The following KIF6 variants were observed in gnomAD, a reference collection of about 807,000 sequenced individuals.
KIF6 encodes the protein kinesin-like protein KIF6.
In KIF6, 106 loss-of-function variants were observed where a neutral mutation model predicts 112.7. That is an observed-to-expected ratio of 0.94 (90% CI 0.80 to 1.11). The LOEUF is 1.11. Among genes scored for constraint, KIF6 ranks in the 50% least tolerant of loss-of-function variants. KIF6 has a pLI of 0.00. For synonymous variants in KIF6, 339 were observed against 339.9 expected (o/e 1.00, Z 0.03); for missense variants, 929 against 964.0 (o/e 0.96, Z 0.48).
chr6:39,669,853 G>A (rs1786695821), intron 3 of KIF6, among the ~76,000 whole-genome samples: 1 of 152,222 alleles, frequency 6.6e-6, no homozygotes. Flanking sequence ...TTGGACTCCA[G>A]CATACGCAGA....
intron 13 of KIF6, among the ~76,000 whole-genome samples, chr6:39,455,178 C>T (rs931024457): frequency 8.7e-4 from 133 of 152,280 alleles, no homozygotes; most frequent in African/African-American, 1.9e-3. Flanking sequence ...GATCTGAGAA[C>T]GGGCAGACTG....
rs1407473026 is a variant in KIF6, at chr6:39,346,084, CT to C, written c.2232-296del. 1.0e-3 allele frequency among the ~76,000 whole-genome samples: 18 copies of C among 18,000 alleles called. 1 individual carries two copies. Among genetic ancestry groups the C allele is most frequent in the East Asian group, 1.4e-3 (1 of 708 alleles). The allele number at this position is 18,000 out of a possible 152,430, so 11.8% of individuals were successfully genotyped here. A position where few individuals can be genotyped will look rare whatever the true frequency, so the allele number is the denominator to read the frequency against. On this transcript the variant is annotated intron_variant, in intron 20 of 22. Coordinates refer to ENST00000287152, the MANE Select transcript of KIF6 (RefSeq NM_145027.6). ...TCTCTCTCTCTCTCTCTCTCTCTCT[CT>C]CCCCCCCCTCTCCCTCCCCCCCTCC...
At chr6:39,359,104 C>T (rs1764933062) in intron 18 of KIF6, among the ~76,000 whole-genome samples, 1 of 152,196 alleles carries the variant, frequency 6.6e-6, no homozygotes, top group South Asian at 2.1e-4. Flanking sequence ...TGCTATCACA[C>T]TGGTTATTGC....
rs1291579879 is a variant in KIF6, at chr6:39,342,628, TTTA to T, written c.2428+1078_2428+1080del. The stretch of plus-strand genomic sequence containing the variant: ...TTTTTTTTATTTTTTTTTATTTTTT[TTTA>T]TTTTTAGACAAGGAAACTGAGAATG... On this transcript the variant is annotated intron_variant, in intron 22 of 22. Coordinates refer to ENST00000287152, the MANE Select transcript of KIF6 (RefSeq NM_145027.6). The surrounding 1 kb of genome is among the most constrained non-coding windows in gnomAD (Gnocchi z 4.7). 0.033 allele frequency among the ~76,000 whole-genome samples: 4,040 copies of T among 120,940 alleles called. 453 individuals are homozygous for T. Among genetic ancestry groups the T allele is most frequent in the African/African-American group, 0.06 (1,456 of 24,466 alleles). 79.3% of individuals were successfully genotyped at this position (120,940 alleles called of 152,430 possible).
In KIF6 at chr6:39,586,377, G is replaced by T; in HGVS notation, c.874C>A (p.Arg292Ser). Residue 292 changes from arginine (R) to serine (S), a missense_variant, in exon 8 of 23, where the codon CGT (arginine) becomes AGT (serine). Arg to Ser is a moderately radical substitution (Grantham distance 110). This residue lies in a region of KIF6 where 688 missense variants were observed against 662.7 expected (regional missense o/e 1.04). Transcript: ENST00000287152. ...QVIIALSEKHRSHIPYRNSMM... is the reference protein window; with the variant it reads ...QVIIALSEKHSSHIPYRNSMM... ...GAGTTTCTATAAGGAATGTGCGAACGGTGCTTTTCTGAAAGGGCAATGATA... is the reference window on the plus strand; with the variant it reads ...GAGTTTCTATAAGGAATGTGCGAACTGTGCTTTTCTGAAAGGGCAATGATA... The T allele has an allele frequency of 6.2e-7, 1 of 1,614,018 alleles. No individual in the cohort carries two copies. Among genetic ancestry groups the T allele is most frequent in the South Asian group, 1.1e-5 (1 of 91,054 alleles).
chr6:39,460,892 C>T (rs1199092068), intron 13 of KIF6, among the ~76,000 whole-genome samples: 1 of 152,170 alleles, frequency 6.6e-6, no homozygotes, highest in Non-Finnish European at 1.5e-5. Context: ...GCTTCCTTGG[C>T]TTAGAATACC....
intron 3 of KIF6, among the ~76,000 whole-genome samples, chr6:39,693,548 C>G (rs1471788125): frequency 6.6e-6 from 1 of 152,020 alleles, no homozygotes. Context: ...TCTCTATGCA[C>G]ATAAACTAGA....
intron 3 of KIF6, among the ~76,000 whole-genome samples, chr6:39,694,938 T>A (rs1289628733): frequency 6.6e-6 from 1 of 151,810 alleles, no homozygotes; most frequent in African/African-American, 2.4e-5. Flanking sequence ...GCTACAGTAA[T>A]CAAAAAAGCA....
chr6:39,520,286 A>AT (rs1398302300), intron 13 of KIF6, among the ~76,000 whole-genome samples: 1 of 152,244 alleles, frequency 6.6e-6, no homozygotes, highest in Non-Finnish European at 1.5e-5. Flanking sequence ...CAAATATTGC[A>AT]TAAGACCCAC....
At chr6:39,724,849 C>A (rs573718501) in intron 1 of KIF6, among the ~76,000 whole-genome samples, 25 of 152,296 alleles carry the variant, frequency 1.6e-4, no homozygotes, top group Non-Finnish European at 3.1e-4. Context: ...CCAAAATGTA[C>A]CTTTGAGTGT....
chr6:39,381,291 A>C (rs898186411), intron 16 of KIF6, among the ~76,000 whole-genome samples: 20 of 152,334 alleles, frequency 1.3e-4, no homozygotes, highest in Admixed American at 3.9e-4. Context: ...ACATGTAGGC[A>C]AAAGAAAGAA....
At chr6:39,495,389 G>A (rs944765389) in intron 13 of KIF6, among the ~76,000 whole-genome samples, 2 of 152,176 alleles carry the variant, frequency 1.3e-5, no homozygotes, top group Non-Finnish European at 2.9e-5. Flanking sequence ...TGGGCTCAGT[G>A]GGAACTTCCT....
chr6:39,444,879 C>T (rs1772205187), intron 13 of KIF6, among the ~76,000 whole-genome samples: 1 of 151,048 alleles, frequency 6.6e-6, no homozygotes, highest in Admixed American at 6.6e-5. Context: ...GGAACGTGGA[C>T]CAAAACCCAT....
chr6:39,474,916 G>A (rs772033143), intron 13 of KIF6, among the ~76,000 whole-genome samples: 1 of 152,232 alleles, frequency 6.6e-6, no homozygotes, highest in Non-Finnish European at 1.5e-5. Context: ...ATTCCTGTAT[G>A]GATTTAGGAC....
At chr6:39,575,055 G>T (rs1780864628) in intron 10 of KIF6, among the ~76,000 whole-genome samples, 2 of 152,186 alleles carry the variant, frequency 1.3e-5, no homozygotes, top group South Asian at 2.1e-4. Flanking sequence ...TTTCTCTAAA[G>T]ATATTAATCA....
chr6:39,581,123 GTCCT>G (rs888473644), intron 9 of KIF6, among the ~76,000 whole-genome samples: 5 of 145,838 alleles, frequency 3.4e-5, no homozygotes, highest in African/African-American at 1.3e-4. Context: ...GATCTGGTCT[GTCCT>G]TCCTTCCTTT....
intron 6 of KIF6, among the ~76,000 whole-genome samples, chr6:39,612,692 A>G (rs1783283711): frequency 6.6e-6 from 1 of 152,246 alleles, no homozygotes; most frequent in African/African-American, 2.4e-5. Context: ...TGTTCAATGC[A>G]TTGTTCTAAG....
intron 13 of KIF6, among the ~76,000 whole-genome samples, chr6:39,536,996 C>T (rs534175948): frequency 0.032 from 4,883 of 152,116 alleles, 149 homozygotes; most frequent in African/African-American, 0.093. Flanking sequence ...GCAGAAAAGG[C>T]CTTTGACAAA....
intron 13 of KIF6, among the ~76,000 whole-genome samples, chr6:39,484,654 A>G (rs1432659943): frequency 3.3e-5 from 5 of 152,240 alleles, no homozygotes; most frequent in Non-Finnish European, 7.3e-5. Context: ...ATTACTTTCA[A>G]GAGTCCCAGA....
Sources: gnomAD v4.1 joint callset for allele counts (sites outside exome capture counted in the v4.1 genomes callset) on GRCh38, gnomAD v4.1.1 for gene constraint, gnomAD v4.1.1 regional missense constraint, Gnocchi (gnomAD v3.1) non-coding constraint, MANE v1.5 for transcripts, NCBI Gene and HGNC (gene_info 2026-07-23, HGNC 2026-07-21) for gene names.